The following BBS9 variants were observed in gnomAD, a reference collection of about 807,000 sequenced individuals.
The protein encoded by BBS9 is Bardet-Biedl syndrome 9, also known as protein PTHB1.
In BBS9, 89 loss-of-function variants were observed where a neutral mutation model predicts 117.7. The observed-to-expected ratio is 0.76, with a 90% confidence interval of 0.64 to 0.90. The LOEUF is 0.90. BBS9 is among the 40% of genes least tolerant of loss of function. The pLI is 0.00. For synonymous variants in BBS9, 379 were observed against 370.9 expected (o/e 1.02, Z -0.25); for missense variants, 982 against 1,042.2 (o/e 0.94, Z 0.80).
chr7:33,280,151 A>T (rs1801535239), intron 9 of BBS9, among the ~76,000 whole-genome samples: 1 of 152,340 alleles, frequency 6.6e-6, no homozygotes, highest in East Asian at 1.9e-4. Flanking sequence ...TCTTCTTTTT[A>T]AAAAATTTCC....
intron 19 of BBS9, among the ~76,000 whole-genome samples, chr7:33,442,829 A>C (rs982630146): frequency 1.3e-5 from 2 of 152,156 alleles, no homozygotes; most frequent in Non-Finnish European, 2.9e-5. Context: ...GCTTATAGTT[A>C]TAAGCAGCCA....
In BBS9 at chr7:33,351,226, T is replaced by A. The variant is rs749047846; in HGVS notation, c.1440T>A (p.Asp480Glu). 2 of 1,603,138 alleles carry A rather than the reference T, an allele frequency of 1.2e-6. No individual in the cohort carries two copies. Among genetic ancestry groups the A allele is most frequent in the Admixed American group, 3.3e-5 (2 of 60,010 alleles). The change falls in exon 14 of 23, where the codon GAT (aspartate) becomes GAA (glutamate). Residue 480 changes from aspartate (D) to glutamate (E), a missense_variant. By Grantham distance (45) the Asp-to-Glu change is conservative. Transcript: ENST00000242067. ...TTTTTACATTGCTTATAGCACCAGA[T>A]TTGACTAGAACAGTAAGCTTTTCTG... ...DQFTFEFMTP[D>E]LTRTVSFSVY... is the part of the protein sequence containing the mutation.
chr7:33,398,974 A>G (rs1828474520), intron 19 of BBS9, among the ~76,000 whole-genome samples: 1 of 152,218 alleles, frequency 6.6e-6, no homozygotes, highest in Non-Finnish European at 1.5e-5. Context: ...CACTGTGCTC[A>G]GCCCAACAAT....
chr7:33,546,895 A>T (rs1369862365), intron 21 of BBS9, among the ~76,000 whole-genome samples: 2 of 152,144 alleles, frequency 1.3e-5, no homozygotes, highest in African/African-American at 4.8e-5. Flanking sequence ...CATTGATTCC[A>T]TGCCTCACCC....
chr7:33,361,745 C>T (rs549191707), intron 16 of BBS9, among the ~76,000 whole-genome samples: 10 of 151,950 alleles, frequency 6.6e-5, no homozygotes, highest in Admixed American at 2.0e-4. Context: ...TTACTTTCTT[C>T]GTAGTTTCAG....
At chr7:33,149,495 T>A (rs1792965943) in intron 2 of BBS9, among the ~76,000 whole-genome samples, 1 of 152,206 alleles carries the variant, frequency 6.6e-6, no homozygotes, top group Admixed American at 6.5e-5. Context: ...ACCCCATGCA[T>A]TTAAATGGCA....
intron 19 of BBS9, among the ~76,000 whole-genome samples, chr7:33,467,079 A>G (rs906699272): frequency 5.3e-5 from 8 of 152,024 alleles, no homozygotes; most frequent in African/African-American, 1.9e-4. Context: ...ACAAACATTC[A>G]AGGACTGTTG....
At chr7:33,591,962 G>A (rs1007237559) in intron 21 of BBS9, among the ~76,000 whole-genome samples, 4 of 151,930 alleles carry the variant, frequency 2.6e-5, no homozygotes, top group African/African-American at 9.7e-5. Context: ...TAGACTATCC[G>A]TGGTTTCATT....
At chr7:33,350,367 T>C (rs985606754) in intron 13 of BBS9, among the ~76,000 whole-genome samples, 10 of 152,168 alleles carry the variant, frequency 6.6e-5, no homozygotes, top group Non-Finnish European at 1.0e-4. Flanking sequence ...GAACTTTTGC[T>C]TGCATTTCTG....
intron 21 of BBS9, among the ~76,000 whole-genome samples, chr7:33,566,669 AT>A (rs1043667936): frequency 6.6e-6 from 1 of 151,942 alleles, no homozygotes; most frequent in African/African-American, 2.4e-5. Flanking sequence ...CTACCTTTTT[AT>A]TTTTTTAACA....
intron 1 of BBS9, among the ~76,000 whole-genome samples, chr7:33,135,703 G>C (rs544426810): frequency 3.3e-5 from 5 of 152,262 alleles, no homozygotes; most frequent in African/African-American, 1.2e-4. Flanking sequence ...TAACCTTGTT[G>C]ATTTCTACAG....
chr7:33,251,620 C>G (rs1392134302), intron 5 of BBS9, among the ~76,000 whole-genome samples: 1 of 152,190 alleles, frequency 6.6e-6, no homozygotes, highest in Non-Finnish European at 1.5e-5. Flanking sequence ...AGCAGTTAAA[C>G]ATTAATACAA....
chr7:33,471,961 A>G (rs1841098683), intron 19 of BBS9, among the ~76,000 whole-genome samples: 1 of 152,180 alleles, frequency 6.6e-6, no homozygotes, highest in African/African-American at 2.4e-5. Context: ...TCTGACCACA[A>G]GTGCCTAAAA....
chr7:33,599,634 T>A (rs1232133213), intron 21 of BBS9, among the ~76,000 whole-genome samples: 1 of 152,180 alleles, frequency 6.6e-6, no homozygotes, highest in Non-Finnish European at 1.5e-5. Flanking sequence ...ATTGATGTAG[T>A]CTCCAATTTA....
chr7:33,481,489 A>G (rs1842508236), intron 19 of BBS9, among the ~76,000 whole-genome samples: 1 of 151,882 alleles, frequency 6.6e-6, no homozygotes, highest in Non-Finnish European at 1.5e-5. Context: ...ATGTAATATG[A>G]TATTATATAA....
intron 21 of BBS9, among the ~76,000 whole-genome samples, chr7:33,597,069 TCACACA>T (rs58511454): frequency 0.08 from 11,149 of 138,844 alleles, 848 homozygotes; most frequent in African/African-American, 0.2. Flanking sequence ...TCTCTCTCTG[TCACACA>T]CACACACACA....
intron 5 of BBS9, among the ~76,000 whole-genome samples, chr7:33,224,639 G>A (rs779499650): frequency 4.6e-5 from 7 of 151,978 alleles, no homozygotes; most frequent in Non-Finnish European, 7.4e-5. Context: ...CTTACTTGTC[G>A]AATAGGTTGG....
chr7:33,529,384 C>T (rs934064544), intron 20 of BBS9, among the ~76,000 whole-genome samples: 1 of 152,180 alleles, frequency 6.6e-6, no homozygotes, highest in Admixed American at 6.5e-5. Context: ...GTGACACTTT[C>T]AGCAGGCTCC....
intron 5 of BBS9, among the ~76,000 whole-genome samples, chr7:33,182,956 A>T (rs1798293781): frequency 6.6e-6 from 1 of 152,238 alleles, no homozygotes; most frequent in East Asian, 1.9e-4. Context: ...TCAGTAGGGG[A>T]TGGGGACATT....
Sources: allele counts gnomAD v4.1 joint callset (sites outside exome capture counted in the v4.1 genomes callset), GRCh38; gene constraint gnomAD v4.1.1; transcripts MANE v1.5; gene names NCBI Gene and HGNC (gene_info 2026-07-23, HGNC 2026-07-21).